Variants in IGFL2 observed in about 807,000 individuals in gnomAD.
IGFL2 encodes the protein IGF like family member 2.
IGFL2 carries 7 observed loss-of-function variants against 13.9 expected under a neutral mutation model. That is an observed-to-expected ratio of 0.51 (90% CI 0.29 to 0.95). The LOEUF is 0.95. Among genes scored for constraint, IGFL2 ranks in the 40% least tolerant of loss-of-function variants. IGFL2 has a pLI of 0.08. For synonymous variants in IGFL2, 55 were observed against 55.8 expected, an observed-to-expected ratio of 0.99 and a Z score of 0.07; for missense variants, 138 against 147.8, an observed-to-expected ratio of 0.93 and a Z score of 0.34.
In IGFL2 at chr19:46,149,177, T is replaced by C. The variant is rs886856705; in HGVS notation, c.19+880T>C. ...CTCTCTCTCTTCTCTCTCTCTCTCTTCTCTCTCTCTTTCTCTCTCCCTCTC... is the reference window on the plus strand; with the variant it reads ...CTCTCTCTCTTCTCTCTCTCTCTCTCCTCTCTCTCTTTCTCTCTCCCTCTC... On this transcript the variant is annotated intron_variant, in intron 1 of 3. Coordinates refer to ENST00000377693, the MANE Select transcript of IGFL2 (RefSeq NM_001135113.2). 4.6e-4 allele frequency: 88 copies of C among 192,354 alleles called. 1 individual carries two copies. Among genetic ancestry groups the C allele is most frequent in the African/African-American group, 1.8e-3 (67 of 36,314 alleles). 11.9% of individuals were successfully genotyped at this position (192,354 alleles called of 1,614,324 possible).
chr19:46,179,140 C>T, the IGFL2 span, among the ~76,000 whole-genome samples: 3 of 149,542 alleles, frequency 2.0e-5, no homozygotes, highest in Middle Eastern at 3.6e-3. Flanking sequence ...GGCAGGGATG[C>T]AGGGGTCTGG....
the IGFL2 span, among the ~76,000 whole-genome samples, chr19:46,090,763 T>C: frequency 0.099 from 15,055 of 152,164 alleles, 1,383 homozygotes; most frequent in African/African-American, 0.24. Flanking sequence ...ATGCAAACTG[T>C]GGATTGAGCT....
the IGFL2 span, chr19:46,137,646 A>C: frequency 4.2e-6 from 3 of 716,756 alleles, no homozygotes; most frequent in African/African-American, 1.7e-5. Context: ...GTGACCCAGG[A>C]TGGGGACACC....
upstream of IGFL2, among the ~76,000 whole-genome samples, chr19:46,142,241 T>C (rs1380572270): frequency 1.3e-5 from 2 of 152,190 alleles, no homozygotes; most frequent in African/African-American, 4.8e-5. Flanking sequence ...GAATCCATCT[T>C]GGGAAGTATG....
the IGFL2 span, among the ~76,000 whole-genome samples, chr19:46,121,248 T>C: frequency 2.0e-5 from 3 of 149,032 alleles, no homozygotes; most frequent in Non-Finnish European, 4.4e-5. Flanking sequence ...GTTAGCCAGA[T>C]GTGGTGGCAT....
chr19:46,136,877 C>A, the IGFL2 span: 1 of 763,896 alleles, frequency 1.3e-6, no homozygotes, highest in South Asian at 1.4e-5. Flanking sequence ...AAAGACTACT[C>A]TGTGTATTGG....
At position 46,159,959 on chromosome 19, in the gene IGFL2, C is replaced by A. The variant is rs529597854; in HGVS notation, c.20-456C>A. ...CTCCAGTCTGGGTGACAGAGTAAGA[C>A]CCTGTCTCAAAAAACAAAAAGCAAA... On this transcript the variant is annotated intron_variant, in intron 1 of 3. Transcript: ENST00000377693. 391 of 204,000 alleles carry A rather than the reference C, an allele frequency of 1.9e-3. 2 individuals are homozygous for A. Among genetic ancestry groups the A allele is most frequent in the African/African-American group, 8.4e-3 (358 of 42,546 alleles). 12.6% of individuals were successfully genotyped at this position (204,000 alleles called of 1,614,324 possible).
At chr19:46,185,395 A>G in the IGFL2 span, among the ~76,000 whole-genome samples, 1 of 152,198 alleles carries the variant, frequency 6.6e-6, no homozygotes, top group Admixed American at 6.5e-5. Context: ...AATCAGAGAC[A>G]TGGGGAGGAG....
At chr19:46,146,326 T>C (rs951883834), upstream of IGFL2, among the ~76,000 whole-genome samples, 1 of 152,206 alleles carries the variant, frequency 6.6e-6, no homozygotes, top group Admixed American at 6.5e-5. Context: ...TCCATGTCTA[T>C]CCATTTGCCA....
At chr19:46,152,124 G>T (rs1973529932) in intron 1 of IGFL2, among the ~76,000 whole-genome samples, 1 of 151,788 alleles carries the variant, frequency 6.6e-6, no homozygotes, top group African/African-American at 2.4e-5. Flanking sequence ...TATTCTCTTT[G>T]GTACGTGGAA....
the IGFL2 span, among the ~76,000 whole-genome samples, chr19:46,131,666 T>A: frequency 6.6e-6 from 1 of 152,162 alleles, no homozygotes; most frequent in Non-Finnish European, 1.5e-5. Context: ...AAAAACCCCT[T>A]CTTGGCTCAT....
chr19:46,194,849 TA>T, the IGFL2 span, among the ~76,000 whole-genome samples: 110 of 34,018 alleles, frequency 3.2e-3, 1 homozygote, highest in African/African-American at 7.3e-3. Flanking sequence ...TATATATATA[TA>T]TATTTTTTTT....
chr19:46,105,047 T>C, the IGFL2 span, among the ~76,000 whole-genome samples: 1 of 152,192 alleles, frequency 6.6e-6, no homozygotes, highest in South Asian at 2.1e-4. Flanking sequence ...CTAATCAGCA[T>C]AAGCGTTGCC....
chr19:46,189,914 T>TG, the IGFL2 span: 1 of 152,214 alleles, frequency 6.6e-6, no homozygotes, highest in Non-Finnish European at 1.5e-5. Context: ...CCTCGGCACC[T>TG]GGGTGGCTTG....
At chr19:46,102,632 G>T in the IGFL2 span, among the ~76,000 whole-genome samples, 9 of 152,284 alleles carry the variant, frequency 5.9e-5, no homozygotes, top group East Asian at 1.9e-4. Context: ...AATGTCATCA[G>T]TTAAGGCAGG....
intron 1 of IGFL2, among the ~76,000 whole-genome samples, chr19:46,150,199 T>G (rs987008186): frequency 3.3e-5 from 5 of 152,212 alleles, no homozygotes; most frequent in Non-Finnish European, 7.3e-5. Flanking sequence ...TTATTCAGAT[T>G]TTTCCATGTT....
At chr19:46,170,010 G>C in the IGFL2 span, among the ~76,000 whole-genome samples, 1 of 152,146 alleles carries the variant, frequency 6.6e-6, no homozygotes, top group Non-Finnish European at 1.5e-5. Flanking sequence ...TTCTGCCCAA[G>C]TAGTAGAAAT....
the IGFL2 span, among the ~76,000 whole-genome samples, chr19:46,172,800 C>T: frequency 6.6e-6 from 1 of 152,110 alleles, no homozygotes. Flanking sequence ...TCACTGTAAC[C>T]TTCACTTTCC....
At chr19:46,170,773 A>G in the IGFL2 span, among the ~76,000 whole-genome samples, 125 of 152,234 alleles carry the variant, frequency 8.2e-4, 2 homozygotes, top group Middle Eastern at 0.017. Context: ...CTCCTGCAGC[A>G]CCCCCAGGCT....
Sources: gnomAD v4.1 joint callset for allele counts (sites outside exome capture counted in the v4.1 genomes callset) on GRCh38, gnomAD v4.1.1 for gene constraint, MANE v1.5 for transcripts, NCBI Gene and HGNC (gene_info 2026-07-23, HGNC 2026-07-21) for gene names.